Variants in XPO1 observed in about 807,000 individuals in gnomAD.
The protein encoded by XPO1 is exportin 1.
XPO1 carries 5 observed loss-of-function variants against 133.3 expected under a neutral mutation model. The ratio of observed to expected loss-of-function variants is 0.04; its 90% confidence interval spans 0.02 to 0.08. The LOEUF (loss-of-function observed/expected upper bound fraction) is 0.08. Among genes scored for constraint, XPO1 ranks in the 10% least tolerant of loss-of-function variants. The pLI is 1.00. For missense variants in XPO1, 506 were observed against 1,267.5 expected (o/e 0.40, Z 9.12); for synonymous variants, 419 against 408.2 (o/e 1.03, Z -0.32).
chr2:61,485,320 G>A (rs1044326640), intron 20 of XPO1: 1 of 153,768 alleles, frequency 6.5e-6, no homozygotes, highest in African/African-American at 2.4e-5. Context: ...CGACCTATGA[G>A]GTTTCAATAA....
At chr2:61,481,956 T>G (rs1186931251) in intron 23 of XPO1, among the ~76,000 whole-genome samples, 1 of 150,808 alleles carries the variant, frequency 6.6e-6, no homozygotes, top group African/African-American at 2.4e-5. Context: ...AGGCTGGTCT[T>G]GAACTCCTGA....
At chr2:61,535,559 T>A (rs998962606) in intron 1 of XPO1, among the ~76,000 whole-genome samples, 2 of 152,218 alleles carry the variant, frequency 1.3e-5, no homozygotes, top group African/African-American at 4.8e-5. Context: ...ATAACAATAA[T>A]GGCAGCAAAT....
intron 4 of XPO1, among the ~76,000 whole-genome samples, chr2:61,514,759 T>G (rs967607028): frequency 7.9e-5 from 12 of 152,016 alleles, no homozygotes; most frequent in Non-Finnish European, 5.9e-5. Flanking sequence ...GGAATACAGT[T>G]GGATGCTTAA....
chr2:61,494,168 T>C (rs1271606484), intron 11 of XPO1, 77 bp from the exon 12 acceptor site: 1 of 1,290,162 alleles, frequency 7.8e-7, no homozygotes, highest in African/African-American at 1.5e-5. Context: ...TGTTACACCT[T>C]AAGGGAAAAT....
chr2:61,516,837 C>A (rs1158240286), intron 4 of XPO1, among the ~76,000 whole-genome samples: 2 of 152,102 alleles, frequency 1.3e-5, no homozygotes, highest in South Asian at 4.1e-4. Flanking sequence ...TCTTTCCCCC[C>A]AACAGGAACA....
At chr2:61,534,007 A>G (rs1191847243) in intron 1 of XPO1, 104 bp from the exon 2 acceptor site, 4 of 1,156,274 alleles carry the variant, frequency 3.5e-6, no homozygotes, top group South Asian at 2.6e-5. Context: ...AAATATTTTA[A>G]TGAATACTTT....
chr2:61,513,342 A>G (rs1338874678), intron 4 of XPO1, among the ~76,000 whole-genome samples: 2 of 144,186 alleles, frequency 1.4e-5, no homozygotes, highest in Non-Finnish European at 3.0e-5. Flanking sequence ...TAAAGGTTCT[A>G]TAAGAAAACG....
intron 2 of XPO1, among the ~76,000 whole-genome samples, chr2:61,529,414 T>C (rs550945010): frequency 1.3e-5 from 2 of 152,188 alleles, no homozygotes; most frequent in African/African-American, 4.8e-5. Context: ...TCCCAACACT[T>C]TGGGTGGCCA....
intron 4 of XPO1, among the ~76,000 whole-genome samples, chr2:61,509,922 T>C (rs1222308565): frequency 6.6e-6 from 1 of 152,236 alleles, no homozygotes; most frequent in Non-Finnish European, 1.5e-5. Context: ...AATGTAAATT[T>C]GGTACATTTC....
chr2:61,506,269 C>G (rs1057131453), intron 4 of XPO1, among the ~76,000 whole-genome samples: 2 of 151,898 alleles, frequency 1.3e-5, no homozygotes, highest in African/African-American at 4.8e-5. Flanking sequence ...AAAAATACAA[C>G]AAAATTAGCC....
At position 61,537,671 on chromosome 2, in the gene XPO1, CAAAAA is replaced by C. The variant is rs1199274882; in HGVS notation, c.-121_-117del. The C allele has an allele frequency of 2.6e-5, 4 of 151,024 alleles. No individual in the cohort carries two copies. The highest frequency in any genetic ancestry group is 9.8e-5 in the African/African-American group (4 of 40,962). The allele number at this position is 151,024 out of a possible 1,614,324, so 9.4% of individuals were successfully genotyped here. A position where few individuals can be genotyped will look rare whatever the true frequency, so the allele number is the denominator to read the frequency against. The stretch of plus-strand genomic sequence containing the variant: ...AAGGTGGGTTTCAGTTTTCCCACCT[CAAAAA>C]AGGAAATTAAAAAAACGGACAGGAA... On this transcript the variant is annotated 5_prime_UTR_variant, in exon 1 of 25. Transcript: ENST00000401558.
Position 61,498,914 on chromosome 2 carries a change from CT to C in XPO1, c.591-2del. ...TATCTGTGAGAATTCATTGCACATG[CT>C]AAAAAAAAAAACACACAAAAATATC... On this transcript the variant is annotated splice_acceptor_variant, in intron 7 of 24. Transcript: ENST00000401558. LOFTEE classifies it high-confidence loss of function. The C allele has an allele frequency of 6.3e-7, 1 of 1,577,592 alleles. No homozygotes were observed. Among genetic ancestry groups the C allele is most frequent in the Non-Finnish European group, 8.6e-7 (1 of 1,164,566 alleles).
At chr2:61,526,577 C>A in intron 2 of XPO1, 56 bp from the exon 3 acceptor site, 2 of 1,345,552 alleles carry the variant, frequency 1.5e-6, no homozygotes, top group South Asian at 1.6e-5. Flanking sequence ...TTGAATCATT[C>A]ATTAAAATGA....
chr2:61,490,508 A>G lies in XPO1; in HGVS notation c.2022+134T>C, dbSNP rs1362042488. 7 of 1,290,710 alleles carry G rather than the reference A, an allele frequency of 5.4e-6. No homozygotes were observed. In the East Asian group the frequency reaches 7.3e-5, roughly 13 times the overall value. 80.0% of individuals were successfully genotyped at this position (1,290,710 alleles called of 1,614,324 possible). A position where few individuals can be genotyped will look rare whatever the true frequency, so the allele number is the denominator to read the frequency against. ...GCCACCACACCTCGCCCAGATAATAAATTATAGAAAGACACACATAAAAGC... is the reference window on the plus strand; with the variant it reads ...GCCACCACACCTCGCCCAGATAATAGATTATAGAAAGACACACATAAAAGC... On this transcript the variant is annotated intron_variant, in intron 17 of 24. Transcript: ENST00000401558.
intron 2 of XPO1, among the ~76,000 whole-genome samples, chr2:61,529,155 C>G (rs1403780429): frequency 1.3e-5 from 2 of 152,104 alleles, no homozygotes; most frequent in East Asian, 1.9e-4. Flanking sequence ...CCATTGTGCT[C>G]CAGCCTGTGT....
intron 4 of XPO1, among the ~76,000 whole-genome samples, chr2:61,518,417 A>AACAC (rs200566050): frequency 0.058 from 7,191 of 124,170 alleles, 234 homozygotes; most frequent in Non-Finnish European, 0.072. Flanking sequence ...CAAAAAACAA[A>AACAC]ACACACACAC....
At chr2:61,518,620 CA>C (rs1336038249) in intron 4 of XPO1, among the ~76,000 whole-genome samples, 1 of 151,010 alleles carries the variant, frequency 6.6e-6, no homozygotes, top group Non-Finnish European at 1.5e-5. Context: ...CTGTCTTAAA[CA>C]AAAACAAACA....
chr2:61,492,433 T>C lies in XPO1; in HGVS notation c.1615A>G (p.Ile539Val), dbSNP rs758975202. ...EQKRGKDNKAIIASNIMYIVG... is the reference protein window; with the variant it reads ...EQKRGKDNKAVIASNIMYIVG... ...ATGTACATGATATTTGATGCAATAA[T>C]AGCTTTATTATCTTTGCCTCTTTTC... is the stretch of plus-strand genomic sequence containing the variant. The change falls in exon 15 of 25, where the codon ATT becomes GTT. Residue 539 changes from isoleucine to valine, a missense_variant. Physicochemically the swap from Ile to Val is conservative, Grantham distance 29. This residue lies in a region of XPO1 where 21 missense variants were observed against 198.1 expected (regional missense o/e 0.11). Transcript: ENST00000401558. The surrounding 1 kb of genome is among the most constrained non-coding windows in gnomAD (Gnocchi z 5.6). 5 of 1,603,644 alleles carry C rather than the reference T, an allele frequency of 3.1e-6. No homozygotes were observed. Among genetic ancestry groups the C allele is most frequent in the Non-Finnish European group, 4.2e-6 (5 of 1,177,454 alleles).
At chr2:61,524,592 T>C (rs774127596) in intron 3 of XPO1, among the ~76,000 whole-genome samples, 19 of 152,212 alleles carry the variant, frequency 1.2e-4, no homozygotes, top group Non-Finnish European at 2.9e-5. Flanking sequence ...AGACTTTGCC[T>C]ATGAAACTAA....
Sources: allele counts gnomAD v4.1 joint callset (sites outside exome capture counted in the v4.1 genomes callset), GRCh38; gene constraint gnomAD v4.1.1; regional missense constraint gnomAD v4.1.1; non-coding constraint Gnocchi (gnomAD v3.1); transcripts MANE v1.5; gene names NCBI Gene and HGNC (gene_info 2026-07-23, HGNC 2026-07-21).